Variants in NFILZ observed in about 807,000 individuals in gnomAD.
NFILZ encodes NFIL3 like protein.
intron 4 of NFILZ, among the ~76,000 whole-genome samples, 186 bp from the exon 5 acceptor site, chr19:8,676,173 G>A (rs1378118634): frequency 1.3e-5 from 2 of 152,134 alleles, no homozygotes; most frequent in Non-Finnish European, 2.9e-5. Context: ...GTGAATGGGT[G>A]AGTGATTGGA....
At chr19:8,640,761 G>A (rs1555746583) in intron 3 of NFILZ, among the ~76,000 whole-genome samples, 1 of 152,148 alleles carries the variant, frequency 6.6e-6, no homozygotes, top group African/African-American at 2.4e-5. Flanking sequence ...GCTTTCTCAG[G>A]GTGTGGATAT....
In NFILZ at chr19:8,680,808, G is replaced by A. The variant is rs1447111410; in HGVS notation, c.*3173G>A. Among the ~76,000 whole-genome samples the A allele has an allele frequency of 6.6e-6, 1 of 152,044 alleles. No homozygotes were observed. Among genetic ancestry groups the A allele is most frequent in the African/African-American group, 2.4e-5 (1 of 41,382 alleles). On this transcript the variant is annotated 3_prime_UTR_variant, in exon 6 of 6. Coordinates refer to ENST00000691075, the MANE Select transcript of NFILZ (RefSeq NM_001378600.1). ...ACAGAGACTTGAGAGAGATGAAGGG[G>A]GGAGTCATGCATGTATCAGAGGAAG...
intron 3 of NFILZ, among the ~76,000 whole-genome samples, chr19:8,652,421 T>G (rs1409204442): frequency 6.6e-6 from 1 of 152,222 alleles, no homozygotes; most frequent in Non-Finnish European, 1.5e-5. Context: ...TTATTTGTAT[T>G]GAAACCAGCG....
intron 3 of NFILZ, among the ~76,000 whole-genome samples, chr19:8,640,830 G>A (rs903506774): frequency 2.0e-5 from 3 of 152,168 alleles, no homozygotes; most frequent in African/African-American, 4.8e-5. Context: ...GGGGTGAGGA[G>A]AACCTCCTTG....
At chr19:8,646,447 C>T (rs2146143415) in intron 3 of NFILZ, among the ~76,000 whole-genome samples, 1 of 152,270 alleles carries the variant, frequency 6.6e-6, no homozygotes, top group South Asian at 2.1e-4. Flanking sequence ...AACCAGGATT[C>T]CTGGACCCCT....
At chr19:8,636,612 G>A (rs1015349354) in intron 3 of NFILZ, among the ~76,000 whole-genome samples, 24 of 145,234 alleles carry the variant, frequency 1.7e-4, no homozygotes, top group Non-Finnish European at 2.7e-4. Flanking sequence ...GCCCAGCTAT[G>A]TTTTTTTTTT....
chr19:8,642,660 T>A (rs1204960577), intron 3 of NFILZ, among the ~76,000 whole-genome samples: 1 of 152,104 alleles, frequency 6.6e-6, no homozygotes, highest in Non-Finnish European at 1.5e-5. Flanking sequence ...GTGGGCTTGC[T>A]CAAGCTCATT....
chr19:8,649,271 G>A (rs1555747491), intron 3 of NFILZ, among the ~76,000 whole-genome samples: 1 of 129,890 alleles, frequency 7.7e-6, no homozygotes, highest in Non-Finnish European at 1.6e-5. Flanking sequence ...TGGCAATTAA[G>A]CAATTTTTTT....
chr19:8,659,154 G>A (rs1182228674), intron 3 of NFILZ, among the ~76,000 whole-genome samples: 7 of 151,642 alleles, frequency 4.6e-5, no homozygotes, highest in African/African-American at 1.5e-4. Flanking sequence ...GGCTGAGGCA[G>A]GAGAATCACT....
At chr19:8,659,718 C>T (rs1242524155) in intron 3 of NFILZ, among the ~76,000 whole-genome samples, 3 of 152,126 alleles carry the variant, frequency 2.0e-5, no homozygotes, top group Admixed American at 2.0e-4. Context: ...ATGATGCCAA[C>T]GGGTATTTTG....
At chr19:8,661,559 A>G (rs914639476) in intron 3 of NFILZ, among the ~76,000 whole-genome samples, 16 of 152,164 alleles carry the variant, frequency 1.1e-4, no homozygotes, top group Non-Finnish European at 7.3e-5. Context: ...AAAGCCTCAC[A>G]TCATACTCCA....
chr19:8,664,359 C>T (rs1031755863), intron 3 of NFILZ, among the ~76,000 whole-genome samples: 1 of 152,142 alleles, frequency 6.6e-6, no homozygotes, highest in Non-Finnish European at 1.5e-5. Context: ...CACCCCTGCC[C>T]ACCCCCCACT....
intron 3 of NFILZ, among the ~76,000 whole-genome samples, chr19:8,660,456 C>T (rs1267290506): frequency 1.3e-5 from 2 of 151,828 alleles, no homozygotes; most frequent in Non-Finnish European, 2.9e-5. Flanking sequence ...AGTTCATCCA[C>T]GTTGTCTCAA....
At position 8,678,780 on chromosome 19, in the gene NFILZ, T is replaced by G. The variant is rs142250219; in HGVS notation, c.*1145T>G. Among the ~76,000 whole-genome samples the G allele has an allele frequency of 3.2e-3, 489 of 152,318 alleles. No homozygotes were observed. The highest frequency in any genetic ancestry group is 4.6e-3 in the Non-Finnish European group (316 of 68,028). ...TAACTTGTTTATTCATTCATTCTCT[T>G]ACTCATTAATTTACTTATAATTCAC... On this transcript the variant is annotated 3_prime_UTR_variant, in exon 6 of 6. Transcript: ENST00000691075.
At chr19:8,664,256 T>C (rs1306986887) in intron 3 of NFILZ, among the ~76,000 whole-genome samples, 2 of 152,172 alleles carry the variant, frequency 1.3e-5, no homozygotes, top group Non-Finnish European at 2.9e-5. Context: ...CATTTCACAG[T>C]TCAAAGAACT....
Position 8,672,532 on chromosome 19 carries a change from T to C in NFILZ, c.-163-2019T>C, listed in dbSNP as rs190164078. 1.7e-3 allele frequency among the ~76,000 whole-genome samples: 261 copies of C among 152,264 alleles called. 2 individuals are homozygous for C. The highest frequency in any genetic ancestry group is 1.8e-3 in the Non-Finnish European group (120 of 68,020). On this transcript the variant is annotated intron_variant, in intron 3 of 5. Transcript: ENST00000691075. ...GTTCATTCAAAATCCATACATTTAT[T>C]AGTTCATTAAAAAATTCATGTGTTT...
chr19:8,650,039 C>A (rs3111573), intron 3 of NFILZ, among the ~76,000 whole-genome samples: 2 of 150,786 alleles, frequency 1.3e-5, no homozygotes, highest in Non-Finnish European at 3.0e-5. Flanking sequence ...GGCGTGAACC[C>A]GGGAGGTGGA....
At chr19:8,646,052 G>C (rs2340540) in intron 3 of NFILZ, among the ~76,000 whole-genome samples, 88,499 of 147,464 alleles carry the variant, frequency 0.6, 27,186 homozygotes, top group South Asian at 0.7. Flanking sequence ...TTTTTTTTTG[G>C]GGGGGATGGA....
intron 3 of NFILZ, among the ~76,000 whole-genome samples, chr19:8,640,096 G>A (rs116046113): frequency 1.6e-3 from 250 of 152,088 alleles, no homozygotes; most frequent in African/African-American, 5.7e-3. Flanking sequence ...GAATTCCCAG[G>A]GCCTCTGTTC....
Sources: gnomAD v4.1 joint callset for allele counts (sites outside exome capture counted in the v4.1 genomes callset) on GRCh38, gnomAD v4.1.1 for gene constraint, MANE v1.5 for transcripts, NCBI Gene and HGNC (gene_info 2026-07-23, HGNC 2026-07-21) for gene names.